Variants in RFPL4A observed in about 807,000 individuals in gnomAD.
RFPL4A encodes ret finger protein-like 4A.
In RFPL4A, 4 loss-of-function variants were observed where a neutral mutation model predicts 8.3. That is an observed-to-expected ratio of 0.48 (90% CI 0.24 to 1.10). The LOEUF (loss-of-function observed/expected upper bound fraction) is 1.10, where lower values mean the gene tolerates loss of function less well. Ranked by LOEUF, RFPL4A falls within the 50% of genes least tolerant of loss-of-function variation. RFPL4A has a pLI of 0.18. For synonymous variants in RFPL4A, 43 were observed against 136.6 expected, an observed-to-expected ratio of 0.31 and a Z score of 4.78; for missense variants, 111 against 358.7, an observed-to-expected ratio of 0.31 and a Z score of 5.58.
chr19:55,762,156 A>G (rs1989299482), intron 2 of RFPL4A, 70 bp downstream of exon 2: 5 of 1,509,634 alleles, frequency 3.3e-6, no homozygotes, highest in East Asian at 2.4e-5. Context: ...ACATTTCTTC[A>G]TTAAACATAG....
chr19:55,758,008 A>G (rs1231880658), upstream of RFPL4A, among the ~76,000 whole-genome samples: 1 of 152,252 alleles, frequency 6.6e-6, no homozygotes, highest in Non-Finnish European at 1.5e-5. Context: ...TTTTAAAAGG[A>G]TTTATATGAG....
intron 1 of RFPL4A, among the ~76,000 whole-genome samples, chr19:55,760,623 T>A (rs1051238216): frequency 6.6e-6 from 1 of 151,558 alleles, no homozygotes; most frequent in Non-Finnish European, 1.5e-5. Context: ...CACTGCAGAA[T>A]GTGTGATTTA....
upstream of RFPL4A, among the ~76,000 whole-genome samples, chr19:55,757,730 C>T (rs10426177): frequency 0.29 from 43,520 of 151,078 alleles, 5,906 homozygotes; most frequent in African/African-American, 0.41. Context: ...TAATTCTGAA[C>T]GGAAGAACTC....
At chr19:55,760,116 C>A (rs576865545) in intron 1 of RFPL4A, among the ~76,000 whole-genome samples, 1 of 151,746 alleles carries the variant, frequency 6.6e-6, no homozygotes, top group East Asian at 2.0e-4. Context: ...CAGAAACCTC[C>A]CTACTATTTT....
At chr19:55,761,416 T>C (rs1428798401) in intron 1 of RFPL4A, among the ~76,000 whole-genome samples, 1 of 137,694 alleles carries the variant, frequency 7.3e-6, no homozygotes, top group African/African-American at 2.7e-5. Flanking sequence ...CTTTTCCCCA[T>C]TATGTCTTCA....
upstream of RFPL4A, among the ~76,000 whole-genome samples, chr19:55,758,183 G>A (rs1989209465): frequency 6.6e-6 from 1 of 152,354 alleles, no homozygotes; most frequent in South Asian, 2.1e-4. Context: ...TCTAATATAT[G>A]CACCACAACG....
chr19:55,761,164 T>G (rs1989274359), intron 1 of RFPL4A, among the ~76,000 whole-genome samples: 1 of 140,736 alleles, frequency 7.1e-6, no homozygotes, highest in Non-Finnish European at 1.6e-5. Context: ...CTTGTCCTTT[T>G]GTTGCACTAT....
chr19:55,761,691 C>T (rs1369754061), intron 1 of RFPL4A, 101 bp from the exon 2 acceptor site: 4 of 1,480,360 alleles, frequency 2.7e-6, no homozygotes, highest in Non-Finnish European at 3.6e-6. Flanking sequence ...AAGTGTCGTG[C>T]TATGATAGCT....
At chr19:55,758,711 AG>A (rs1196026588), upstream of RFPL4A, among the ~76,000 whole-genome samples, 1 of 151,316 alleles carries the variant, frequency 6.6e-6, no homozygotes, top group Non-Finnish European at 1.5e-5. Flanking sequence ...ACGACTTCTG[AG>A]TAGGTTTAAG....
intron 2 of RFPL4A, 98 bp downstream of exon 2, chr19:55,762,184 A>G (rs1045576189): frequency 2.2e-5 from 27 of 1,234,814 alleles, no homozygotes; most frequent in Non-Finnish European, 2.8e-5. Flanking sequence ...CAGGATATCT[A>G]GCATCTAAAA....
intron 1 of RFPL4A, among the ~76,000 whole-genome samples, chr19:55,759,611 C>T (rs1316622939): frequency 6.6e-6 from 1 of 151,624 alleles, no homozygotes; most frequent in African/African-American, 2.4e-5. Flanking sequence ...AAATGAAAAG[C>T]AAAGTTTGTT....
At position 55,763,198 on chromosome 19, in the gene RFPL4A, C is replaced by A. The variant is rs1371654001; in HGVS notation, c.*23C>A. ...TAAATAAACATTTGAACATAATCAT[C>A]TTTAGGAAGTTTCAGTGCTCCCATA... is the stretch of plus-strand genomic sequence containing the variant. On this transcript the variant is annotated 3_prime_UTR_variant, in exon 3 of 3. Coordinates refer to ENST00000434937, the MANE Select transcript of RFPL4A (RefSeq NM_001145014.2). 6.6e-7 allele frequency: 1 copy of A among 1,522,962 alleles called. No homozygotes were observed. Among genetic ancestry groups the A allele is most frequent in the East Asian group, 2.5e-5 (1 of 40,346 alleles). 94.3% of individuals were successfully genotyped at this position (1,522,962 alleles called of 1,614,324 possible).
rs761691060 is a variant in RFPL4A, at chr19:55,763,084, G to T, written c.773G>T (p.Arg258Leu). The T allele has an allele frequency of 7.7e-6, 12 of 1,550,770 alleles. No individual in the cohort carries two copies. Among genetic ancestry groups the T allele is most frequent in the Non-Finnish European group, 9.6e-6 (11 of 1,146,840 alleles). The change falls in exon 3 of 3, where the codon CGT becomes CTT. Residue 258 changes from arginine to leucine, a missense_variant. Physicochemically the swap from Arg to Leu is moderately radical, Grantham distance 102. Transcript: ENST00000434937. ...TGGCGTCCATTTTTTGCTCATAAACGTGGAAGTCAAGATGATCAGAGCATC... is the reference window on the plus strand; with the variant it reads ...TGGCGTCCATTTTTTGCTCATAAACTTGGAAGTCAAGATGATCAGAGCATC... ...EPWRPFFAHK[R>L]GSQDDQSILS...
chr19:55,763,130 C>G lies in RFPL4A; in HGVS notation c.819C>G (p.Ile273Met), dbSNP rs1318485508. The change falls in exon 3 of 3, where the codon ATC becomes ATG. Residue 273 changes from isoleucine to methionine, a missense_variant. By Grantham distance (10) the Ile-to-Met change is conservative. Coordinates refer to ENST00000434937, the MANE Select transcript of RFPL4A (RefSeq NM_001145014.2). ...GCATCCTGAGTATCTGTTCTGTGAT[C>G]AATCCATCCGCTGCCAGTGCCCCAG... is the stretch of plus-strand genomic sequence containing the variant. ...DQSILSICSV[I>M]NPSAASAPVS... 6.5e-7 allele frequency: 1 copy of G among 1,539,126 alleles called. No homozygotes were observed.
chr19:55,761,715 G>T lies in RFPL4A; in HGVS notation c.-9-77G>T, dbSNP rs537368511. The T allele has an allele frequency of 2.1e-5, 31 of 1,456,824 alleles. No individual in the cohort carries two copies. In the South Asian group the frequency reaches 4.0e-4, roughly 19 times the overall value. 90.2% of individuals were successfully genotyped at this position (1,456,824 alleles called of 1,614,324 possible). On this transcript the variant is annotated intron_variant, in intron 1 of 2. Coordinates refer to ENST00000434937, the MANE Select transcript of RFPL4A (RefSeq NM_001145014.2). Reference sequence around the variant, plus strand: ...GCTATGATAGCTCCATGCATGTAAAGATAAAAGCCCCAAACACTATCAGCT... The same window carrying T: ...GCTATGATAGCTCCATGCATGTAAATATAAAAGCCCCAAACACTATCAGCT...
chr19:55,760,159 A>G (rs1989253296), intron 1 of RFPL4A, among the ~76,000 whole-genome samples: 1 of 151,558 alleles, frequency 6.6e-6, no homozygotes, highest in Non-Finnish European at 1.5e-5. Context: ...TTTCCCACCA[A>G]CCGTGCACAA....
Position 55,762,015 on chromosome 19 carries a change from C to G in RFPL4A, c.215C>G (p.Ser72Cys), listed in dbSNP as rs1258959119. The change falls in exon 2 of 3, where the codon TCC becomes TGC. Residue 72 changes from serine to cysteine, a missense_variant. Coordinates refer to ENST00000434937, the MANE Select transcript of RFPL4A (RefSeq NM_001145014.2). ...KPKYKLRALV[S>C]IIKELEPKLK... ...AAGTACAAGCTGAGGGCGCTGGTTT[C>G]CATCATCAAGGAACTAGAGCCCAAG... The G allele has an allele frequency of 6.6e-6, 10 of 1,509,188 alleles. No individual in the cohort carries two copies. The highest frequency in any genetic ancestry group is 9.0e-6 in the Non-Finnish European group (10 of 1,115,314). 93.5% of individuals were successfully genotyped at this position (1,509,188 alleles called of 1,614,324 possible).
chr19:55,762,755 C>G lies in RFPL4A; in HGVS notation c.444C>G (p.Ser148=). 1 of 1,548,816 alleles carries G rather than the reference C, an allele frequency of 6.5e-7. No homozygotes were observed. Among genetic ancestry groups the G allele is most frequent in the South Asian group, 1.2e-5 (1 of 83,918 alleles). Residue 148 remains serine (S), a synonymous_variant, in exon 3 of 3, where the codon TCC becomes TCG. Coordinates refer to ENST00000434937, the MANE Select transcript of RFPL4A (RefSeq NM_001145014.2). ...LCVLGTPRFT[S]GRHYWEVDVG... ...TCCTGGGCACCCCTCGCTTCACTTC[C>G]GGCCGCCATTACTGGGAGGTGGACG...
chr19:55,758,289 A>G (rs1989212191), upstream of RFPL4A, among the ~76,000 whole-genome samples: 1 of 152,310 alleles, frequency 6.6e-6, no homozygotes, highest in South Asian at 2.1e-4. Flanking sequence ...AGCAATCACT[A>G]GAGAATGATT....
Sources: allele counts gnomAD v4.1 joint callset (sites outside exome capture counted in the v4.1 genomes callset), GRCh38; gene constraint gnomAD v4.1.1; transcripts MANE v1.5; gene names NCBI Gene and HGNC (gene_info 2026-07-23, HGNC 2026-07-21).